Variants in MYO1D observed in about 807,000 individuals in gnomAD.
MYO1D encodes myosin ID, also known as unconventional myosin-Id.
A neutral mutation model predicts 122.0 loss-of-function variants in MYO1D; 83 were observed. That is an observed-to-expected ratio of 0.68 (90% confidence interval 0.57 to 0.82). MYO1D has a LOEUF of 0.82. Among genes scored for constraint, MYO1D ranks in the 40% least tolerant of loss-of-function variants. MYO1D has a pLI of 0.00. For synonymous variants in MYO1D, 464 were observed against 446.9 expected, an observed-to-expected ratio of 1.04 and a Z score of -0.48; for missense variants, 1,157 against 1,269.5, an observed-to-expected ratio of 0.91 and a Z score of 1.35.
chr17:32,603,550 G>A (rs1164197587), intron 21 of MYO1D, among the ~76,000 whole-genome samples: 1 of 121,920 alleles, frequency 8.2e-6, no homozygotes, highest in African/African-American at 3.2e-5. Context: ...TTTTGAGACA[G>A]AGTCTCCTTC....
chr17:32,614,094 T>TTA (rs2087740916), intron 20 of MYO1D, among the ~76,000 whole-genome samples: 1 of 135,224 alleles, frequency 7.4e-6, no homozygotes, highest in East Asian at 2.3e-4. Context: ...TTTTTTTTTT[T>TTA]AACTCTGGAG....
intron 16 of MYO1D, among the ~76,000 whole-genome samples, chr17:32,688,653 A>G (rs1291733453): frequency 6.6e-6 from 1 of 152,218 alleles, no homozygotes; most frequent in Non-Finnish European, 1.5e-5. Context: ...ATGTCGTGCT[A>G]TGGCATCACA....
intron 16 of MYO1D, among the ~76,000 whole-genome samples, chr17:32,685,663 T>C (rs2088995399): frequency 6.6e-6 from 1 of 152,238 alleles, no homozygotes; most frequent in Non-Finnish European, 1.5e-5. Flanking sequence ...AGGCCCACAA[T>C]AGACAGAGCT....
At chr17:32,834,909 G>C (rs2090807337) in intron 1 of MYO1D, among the ~76,000 whole-genome samples, 1 of 152,196 alleles carries the variant, frequency 6.6e-6, no homozygotes, top group African/African-American at 2.4e-5. Flanking sequence ...CTACTCGGGA[G>C]ACTGGGGCAG....
intron 7 of MYO1D, 29 bp from the exon 8 acceptor site, chr17:32,765,110 T>G (rs773170277): frequency 1.3e-6 from 2 of 1,525,628 alleles, no homozygotes; most frequent in African/African-American, 2.7e-5. Flanking sequence ...AAATAACACA[T>G]TATGAAACAT....
intron 21 of MYO1D, among the ~76,000 whole-genome samples, chr17:32,532,235 T>G (rs1910526121): frequency 6.6e-6 from 1 of 152,244 alleles, no homozygotes; most frequent in South Asian, 2.1e-4. Context: ...TGCACCTTTC[T>G]TTTACCTTTC....
intron 13 of MYO1D, among the ~76,000 whole-genome samples, chr17:32,741,288 C>A (rs1042903662): frequency 2.0e-5 from 3 of 148,460 alleles, no homozygotes; most frequent in Non-Finnish European, 4.5e-5. Context: ...AAAATGGATT[C>A]AAATTTTGGA....
chr17:32,515,351 TC>T lies in MYO1D; in HGVS notation c.2865-20437del. Among the ~76,000 whole-genome samples, 5 of 152,294 alleles carry T rather than the reference TC, an allele frequency of 3.3e-5. No homozygotes were observed. The Middle Eastern group carries it at 0.01, about 311-fold the overall frequency. On this transcript the variant is annotated intron_variant, in intron 21 of 21. Transcript: ENST00000318217. ...TTCTTTGACATAGAGTCTCGCCCAGTCCCCCAGCCATGGCCTACTGCAGTCT... is the reference window on the plus strand; with the variant it reads ...TTCTTTGACATAGAGTCTCGCCCAGTCCCCAGCCATGGCCTACTGCAGTCT...
chr17:32,539,341 T>C (rs1910766374), intron 21 of MYO1D, among the ~76,000 whole-genome samples: 1 of 151,852 alleles, frequency 6.6e-6, no homozygotes, highest in African/African-American at 2.4e-5. Flanking sequence ...GCATGTTATC[T>C]TTTCATTTAA....
In MYO1D at chr17:32,767,641, G is replaced by A. The variant is rs1372599333; in HGVS notation, c.826C>T (p.His276Tyr). 6.3e-7 allele frequency: 1 copy of A among 1,599,256 alleles called. No individual in the cohort carries two copies. The change falls in exon 7 of 22, where the codon CAC becomes TAC. Residue 276 changes from histidine to tyrosine, a missense_variant. Transcript: ENST00000318217. Reference protein sequence around the residue: ...TVYKILAAILHLGNLKFVVDG... With the variant: ...TVYKILAAILYLGNLKFVVDG... The stretch of plus-strand genomic sequence containing the variant: ...TGAGAGGTGTCCCTACTCACCAAGT[G>A]CAGAATAGCAGCCAAAATCTTATAC...
intron 21 of MYO1D, among the ~76,000 whole-genome samples, chr17:32,551,743 CCTTT>C (rs1315735448): frequency 1.3e-5 from 2 of 152,150 alleles, no homozygotes; most frequent in Non-Finnish European, 2.9e-5. Flanking sequence ...GACCCATTAT[CCTTT>C]CTATTTTCTG....
intron 21 of MYO1D, among the ~76,000 whole-genome samples, chr17:32,533,420 T>C (rs1051452588): frequency 2.0e-5 from 3 of 152,138 alleles, no homozygotes; most frequent in Non-Finnish European, 4.4e-5. Context: ...CCTTCTCTTC[T>C]TTCCTCCCTT....
chr17:32,672,739 G>C (rs2088739771), intron 16 of MYO1D, among the ~76,000 whole-genome samples: 2 of 152,156 alleles, frequency 1.3e-5, no homozygotes, highest in Admixed American at 1.3e-4. Context: ...ACCTGCCTCA[G>C]CCTCCCAAAG....
intron 1 of MYO1D, among the ~76,000 whole-genome samples, chr17:32,855,124 C>T (rs1311098364): frequency 6.6e-6 from 1 of 152,188 alleles, no homozygotes; most frequent in East Asian, 1.9e-4. Flanking sequence ...TTGCTACAAA[C>T]CTTTAATTGC....
chr17:32,844,409 A>G (rs2090916359), intron 1 of MYO1D, among the ~76,000 whole-genome samples: 1 of 147,276 alleles, frequency 6.8e-6, no homozygotes, highest in South Asian at 2.1e-4. Context: ...ATATGTATAT[A>G]TGTGTATATA....
At chr17:32,592,326 A>G (rs1029763603) in intron 21 of MYO1D, among the ~76,000 whole-genome samples, 18 of 152,176 alleles carry the variant, frequency 1.2e-4, no homozygotes, top group African/African-American at 4.1e-4. Flanking sequence ...CTATAGTTTT[A>G]CCTTTTCCAG....
At chr17:32,683,534 T>TG (rs927856637) in intron 16 of MYO1D, among the ~76,000 whole-genome samples, 14 of 152,044 alleles carry the variant, frequency 9.2e-5, no homozygotes, top group African/African-American at 2.2e-4. Context: ...GTGCCCCTGC[T>TG]GGGGGGTGCC....
In MYO1D at chr17:32,751,325, T is replaced by A. The variant is rs542884399; in HGVS notation, c.1468-2319A>T. ...ATCCAGCTCAACACACAGAATAGCA[T>A]GTGTAATAAACAGTTCACAGTGATT... On this transcript the variant is annotated intron_variant, in intron 11 of 21. Transcript: ENST00000318217. Among the ~76,000 whole-genome samples, 5 of 152,252 alleles carry A rather than the reference T, an allele frequency of 3.3e-5. No individual in the cohort carries two copies. The South Asian group carries it at 1.0e-3, about 32-fold the overall frequency.
At chr17:32,641,058 T>A (rs2088192167) in intron 19 of MYO1D, among the ~76,000 whole-genome samples, 1 of 150,918 alleles carries the variant, frequency 6.6e-6, no homozygotes, top group Non-Finnish European at 1.5e-5. Context: ...TTAAATTAGG[T>A]ATATCTCCTA....
Sources: allele counts gnomAD v4.1 joint callset (sites outside exome capture counted in the v4.1 genomes callset), GRCh38; gene constraint gnomAD v4.1.1; transcripts MANE v1.5; gene names NCBI Gene and HGNC (gene_info 2026-07-23, HGNC 2026-07-21).